NTM: variants seen among roughly 807,000 people sequenced by gnomAD.
The protein encoded by NTM is neurotrimin.
Under a neutral mutation model 42.1 loss-of-function variants are expected in NTM, and 13 were observed. The ratio of observed to expected loss-of-function variants is 0.31; its 90% CI spans 0.20 to 0.49. NTM has a LOEUF of 0.49. Ranked by LOEUF, NTM falls within the 20% of genes least tolerant of loss-of-function variation. The pLI, the probability that NTM is intolerant of heterozygous loss-of-function variation, is 0.99. For missense variants in NTM, 373 were observed against 452.8 expected, an observed-to-expected ratio of 0.82 and a Z score of 1.60; for synonymous variants, 187 against 179.2, an observed-to-expected ratio of 1.04 and a Z score of -0.35.
At chr11:131,841,542 CA>C (rs1234715792) in intron 1 of NTM, among the ~76,000 whole-genome samples, 1 of 152,136 alleles carries the variant, frequency 6.6e-6, no homozygotes, top group Non-Finnish European at 1.5e-5. Flanking sequence ...TAATAAGTCA[CA>C]TTTTTTTTTA....
chr11:132,269,282 A>C (rs1042675036), intron 4 of NTM, among the ~76,000 whole-genome samples: 8 of 152,184 alleles, frequency 5.3e-5, no homozygotes, highest in Admixed American at 4.6e-4. Context: ...GGGCAATACT[A>C]GTGATTTTGT....
chr11:132,173,573 A>G (rs1391562961), intron 3 of NTM, among the ~76,000 whole-genome samples: 1 of 152,222 alleles, frequency 6.6e-6, no homozygotes, highest in Non-Finnish European at 1.5e-5. Flanking sequence ...CTAGGGTTCT[A>G]GGGAGGCAGT....
chr11:132,266,722 A>G (rs1314967809), intron 4 of NTM, among the ~76,000 whole-genome samples: 1 of 152,232 alleles, frequency 6.6e-6, no homozygotes, highest in Non-Finnish European at 1.5e-5. Flanking sequence ...TGTTGATAGC[A>G]TAGATTTAAT....
chr11:131,823,939 C>T (rs2093292210), intron 1 of NTM, among the ~76,000 whole-genome samples: 1 of 152,146 alleles, frequency 6.6e-6, no homozygotes, highest in African/African-American at 2.4e-5. Context: ...TCTGTTTGTT[C>T]TTTATGCAAT....
chr11:131,770,162 T>A (rs1007432241), intron 1 of NTM, among the ~76,000 whole-genome samples: 3 of 152,234 alleles, frequency 2.0e-5, no homozygotes, highest in African/African-American at 7.2e-5. Context: ...TTTTATTAAA[T>A]CCTTTATCCA....
intron 1 of NTM, among the ~76,000 whole-genome samples, chr11:131,478,413 T>C (rs1040034091): frequency 2.0e-5 from 3 of 152,190 alleles, no homozygotes; most frequent in Non-Finnish European, 1.5e-5. Flanking sequence ...CAGGGTACCA[T>C]GCGCATATTT....
chr11:131,607,873 A>G (rs920216867), intron 1 of NTM, among the ~76,000 whole-genome samples: 1 of 135,712 alleles, frequency 7.4e-6, no homozygotes, highest in African/African-American at 2.6e-5. Flanking sequence ...ATCGGTAGAC[A>G]TTTTTGGTTT....
intron 1 of NTM, among the ~76,000 whole-genome samples, chr11:131,630,422 CAA>C (rs561869974): frequency 7.3e-5 from 11 of 151,102 alleles, no homozygotes; most frequent in Admixed American, 6.6e-4. Context: ...TGGAAATATT[CAA>C]GTTTGCTTTG....
In NTM at chr11:131,402,396, T is replaced by TA. The variant is rs56370339; in HGVS notation, c.82+31521dup. Among the ~76,000 whole-genome samples the TA allele has an allele frequency of 2.6e-3, 377 of 145,638 alleles. 1 individual carries two copies. The highest frequency in any genetic ancestry group is 5.2e-3 in the East Asian group (25 of 4,792). On this transcript the variant is annotated intron_variant, in intron 1 of 8. Transcript: ENST00000683400. ...CCCCAAGAAAAAGAAAACTAAGTCA[T>TA]AAAAAAAAAAAAACAAATATTGGAG...
chr11:132,127,193 C>T (rs1304754829), intron 2 of NTM, among the ~76,000 whole-genome samples: 2 of 152,066 alleles, frequency 1.3e-5, no homozygotes, highest in African/African-American at 2.4e-5. Flanking sequence ...AAAGGGAGCT[C>T]GTTCCAGAAA....
rs1309263599 is a variant in NTM, at chr11:132,307,694, G to A, written c.532G>A (p.Gly178Ser). 2 of 1,614,054 alleles carry A rather than the reference G, an allele frequency of 1.2e-6. No individual in the cohort carries two copies. The highest frequency in any genetic ancestry group is 2.7e-5 in the African/African-American group (2 of 74,934). ...CGTTACCGGTTTTCCCGCAGCGGTT[G>A]GCTTTGTGAGTGAAGACGAATACTT... ...TWRHISPKAVGFVSEDEYLEI... is the reference protein window; with the variant it reads ...TWRHISPKAVSFVSEDEYLEI... Residue 178 changes from glycine (G) to serine (S), a missense_variant, in exon 5 of 9, where the codon GGC becomes AGC. By Grantham distance (56) the Gly-to-Ser change is moderately conservative. Coordinates refer to ENST00000683400, the MANE Select transcript of NTM (RefSeq NM_001352005.2).
intron 4 of NTM, among the ~76,000 whole-genome samples, chr11:132,230,575 C>G (rs1285493218): frequency 6.6e-6 from 1 of 152,250 alleles, no homozygotes; most frequent in East Asian, 1.9e-4. Flanking sequence ...GCTCACCACT[C>G]TCCAAGCAGC....
intron 1 of NTM, among the ~76,000 whole-genome samples, chr11:131,899,799 T>C (rs939951170): frequency 3.3e-5 from 5 of 152,202 alleles, no homozygotes; most frequent in Admixed American, 3.3e-4. Context: ...TTATTTTAGC[T>C]AGAGTTTGGT....
At chr11:132,245,240 G>A (rs974574097) in intron 4 of NTM, among the ~76,000 whole-genome samples, 3 of 152,160 alleles carry the variant, frequency 2.0e-5, no homozygotes, top group Non-Finnish European at 4.4e-5. Context: ...TGGAGCTTTG[G>A]TGGAAGAGAA....
At chr11:131,742,094 G>A (rs1374231249) in intron 1 of NTM, among the ~76,000 whole-genome samples, 1 of 152,186 alleles carries the variant, frequency 6.6e-6, no homozygotes, top group Non-Finnish European at 1.5e-5. Flanking sequence ...TGGGAGGTGG[G>A]TGAGGACCAG....
At chr11:131,893,800 A>C (rs1211427949) in intron 1 of NTM, among the ~76,000 whole-genome samples, 1 of 152,160 alleles carries the variant, frequency 6.6e-6, no homozygotes, top group African/African-American at 2.4e-5. Flanking sequence ...GGTCTCCATC[A>C]TGCTCGGCAT....
intron 1 of NTM, among the ~76,000 whole-genome samples, chr11:131,794,087 C>T (rs929150531): frequency 1.6e-4 from 24 of 152,174 alleles, no homozygotes; most frequent in African/African-American, 5.8e-4. Flanking sequence ...ATGGACGGTT[C>T]TCCAGGCAGG....
At chr11:132,051,002 T>G (rs1201681046) in intron 2 of NTM, among the ~76,000 whole-genome samples, 4 of 152,224 alleles carry the variant, frequency 2.6e-5, no homozygotes, top group Non-Finnish European at 4.4e-5. Flanking sequence ...GTGGAAAGGA[T>G]GTCTTGGTGC....
intron 1 of NTM, among the ~76,000 whole-genome samples, chr11:131,502,126 C>T (rs1424835641): frequency 6.6e-6 from 1 of 151,956 alleles, no homozygotes; most frequent in Non-Finnish European, 1.5e-5. Context: ...TGCTGAGGTC[C>T]CAATGTCTGT....
Sources: allele counts gnomAD v4.1 joint callset (sites outside exome capture counted in the v4.1 genomes callset), GRCh38; gene constraint gnomAD v4.1.1; transcripts MANE v1.5; gene names NCBI Gene and HGNC (gene_info 2026-07-23, HGNC 2026-07-21).